The following CTNNA3 variants were observed in gnomAD, a reference collection of about 807,000 sequenced individuals.
The protein encoded by CTNNA3 is catenin alpha-3.
A neutral mutation model predicts 95.7 loss-of-function variants in CTNNA3; 76 were observed. The observed-to-expected ratio is 0.79, with a 90% CI of 0.66 to 0.96. The LOEUF is 0.96. Among genes scored for constraint, CTNNA3 ranks in the 40% least tolerant of loss-of-function variants. The probability of loss-of-function intolerance (pLI) is 0.00; values close to 1 mark genes in which losing one functional copy is unlikely to be tolerated. For missense variants in CTNNA3, 1,191 were observed against 1,089.8 expected (o/e 1.09, Z -1.31); for synonymous variants, 431 against 374.4 (o/e 1.15, Z -1.74).
chr10:66,151,225 A>C (rs1055106655), intron 13 of CTNNA3, among the ~76,000 whole-genome samples: 1 of 152,002 alleles, frequency 6.6e-6, no homozygotes, highest in South Asian at 2.1e-4. Context: ...ATAAAGTACT[A>C]TGGGGACAAC....
intron 6 of CTNNA3, among the ~76,000 whole-genome samples, chr10:67,182,385 C>G (rs1157416564): frequency 6.6e-6 from 1 of 151,108 alleles, no homozygotes; most frequent in African/African-American, 2.4e-5. Context: ...GAAATAAAGC[C>G]AATCTACAAC....
chr10:66,307,220 C>G (rs1004904856), intron 12 of CTNNA3, among the ~76,000 whole-genome samples: 5 of 152,130 alleles, frequency 3.3e-5, no homozygotes, highest in Admixed American at 3.3e-4. Flanking sequence ...GTAATTTTTA[C>G]ATGTGATTTT....
intron 5 of CTNNA3, among the ~76,000 whole-genome samples, chr10:67,368,100 G>A (rs570040575): frequency 6.6e-6 from 1 of 152,214 alleles, no homozygotes; most frequent in South Asian, 2.1e-4. Context: ...GTACACCACG[G>A]AATGGGAGAA....
Position 67,267,490 on chromosome 10 carries a change from A to G in CTNNA3, c.580-47620T>C, listed in dbSNP as rs186575486. 2.4e-4 allele frequency among the ~76,000 whole-genome samples: 36 copies of G among 152,188 alleles called. 1 individual carries two copies. The highest frequency in any genetic ancestry group is 8.7e-4 in the African/African-American group (36 of 41,520). On this transcript the variant is annotated intron_variant, in intron 5 of 17. Transcript: ENST00000433211. ...TGCCATCCTCCTGCCTCAGCCTCCC[A>G]AGTAGCTGAGACTACAGGTGCCTGC...
At chr10:67,137,086 G>A (rs1172466815) in intron 7 of CTNNA3, among the ~76,000 whole-genome samples, 1 of 152,086 alleles carries the variant, frequency 6.6e-6, no homozygotes, top group Non-Finnish European at 1.5e-5. Context: ...GGAGAGGCAG[G>A]AGGACAGACC....
intron 9 of CTNNA3, among the ~76,000 whole-genome samples, chr10:66,705,195 G>A (rs1003569608): frequency 6.6e-6 from 1 of 151,830 alleles, no homozygotes; most frequent in African/African-American, 2.4e-5. Context: ...AACTAACCTA[G>A]TATTCTTAGG....
chr10:66,484,969 G>A (rs1839675268), intron 11 of CTNNA3, among the ~76,000 whole-genome samples: 1 of 152,062 alleles, frequency 6.6e-6, no homozygotes, highest in South Asian at 2.1e-4. Context: ...CACATTAACA[G>A]AATGGAAAAC....
At chr10:67,042,811 A>G (rs1589650509) in intron 7 of CTNNA3, among the ~76,000 whole-genome samples, 1 of 152,172 alleles carries the variant, frequency 6.6e-6, no homozygotes, top group Non-Finnish European at 1.5e-5. Flanking sequence ...CAATGATTAG[A>G]TAGTCAACGA....
intron 7 of CTNNA3, chr10:66,837,801 T>C (rs1842931915): frequency 1.3e-5 from 2 of 152,100 alleles, no homozygotes; most frequent in African/African-American, 4.8e-5. Context: ...GGACATATAG[T>C]AACCGAATTC....
chr10:67,315,369 C>G (rs955912147), intron 5 of CTNNA3, among the ~76,000 whole-genome samples: 7 of 152,180 alleles, frequency 4.6e-5, no homozygotes, highest in Non-Finnish European at 1.0e-4. Context: ...CCACCCCTCT[C>G]ATTAATCTAT....
At chr10:66,462,850 A>C (rs2093538808) in intron 11 of CTNNA3, among the ~76,000 whole-genome samples, 1 of 152,138 alleles carries the variant, frequency 6.6e-6, no homozygotes, top group African/African-American at 2.4e-5. Context: ...TATCATTATA[A>C]ATTTAAGTGA....
At chr10:66,404,771 T>C (rs1452716897) in intron 11 of CTNNA3, among the ~76,000 whole-genome samples, 1 of 132,002 alleles carries the variant, frequency 7.6e-6, no homozygotes, top group Non-Finnish European at 1.5e-5. Flanking sequence ...ATTATGAGGT[T>C]TTTCCTGTGG....
intron 7 of CTNNA3, among the ~76,000 whole-genome samples, chr10:67,030,484 C>T (rs1419970568): frequency 6.6e-6 from 1 of 151,972 alleles, no homozygotes; most frequent in Non-Finnish European, 1.5e-5. Context: ...AATATATTCA[C>T]ACCCACACAA....
chr10:66,614,850 G>C (rs963874455), intron 10 of CTNNA3, among the ~76,000 whole-genome samples: 1 of 151,940 alleles, frequency 6.6e-6, no homozygotes, highest in African/African-American at 2.4e-5. Context: ...GAAAATCTAA[G>C]TACTTAGGAG....
intron 11 of CTNNA3, among the ~76,000 whole-genome samples, chr10:66,516,167 T>C (rs1216898564): frequency 1.3e-5 from 2 of 152,070 alleles, no homozygotes; most frequent in Admixed American, 1.3e-4. Context: ...CTAGATTCTT[T>C]CTCTTTTGTT....
chr10:66,798,598 C>T (rs556721869), intron 7 of CTNNA3, among the ~76,000 whole-genome samples: 1 of 150,594 alleles, frequency 6.6e-6, no homozygotes, highest in African/African-American at 2.4e-5. Context: ...AACTCCAAAT[C>T]CCAGAAAAAA....
chr10:66,056,713 T>C (rs2080095346), intron 15 of CTNNA3, among the ~76,000 whole-genome samples: 1 of 152,230 alleles, frequency 6.6e-6, no homozygotes, highest in Admixed American at 6.5e-5. Context: ...TTGTTATTTG[T>C]CTATTCAGGT....
chr10:66,845,729 A>ATAAATAAATAAATAAATAAATAC (rs1297933220), intron 7 of CTNNA3, among the ~76,000 whole-genome samples: 20 of 87,766 alleles, frequency 2.3e-4, no homozygotes, highest in African/African-American at 6.3e-4. Flanking sequence ...AAAAAAAAAA[A>ATAAATAAATAAATAAATAAATAC]CTAAAAAGGT....
intron 11 of CTNNA3, among the ~76,000 whole-genome samples, chr10:66,393,336 C>A (rs938179925): frequency 6.6e-6 from 1 of 152,010 alleles, no homozygotes; most frequent in African/African-American, 2.4e-5. Context: ...GAATTTACAA[C>A]ACAAGGTGAA....
Sources: allele counts gnomAD v4.1 joint callset (sites outside exome capture counted in the v4.1 genomes callset), GRCh38; gene constraint gnomAD v4.1.1; transcripts MANE v1.5; gene names NCBI Gene and HGNC (gene_info 2026-07-23, HGNC 2026-07-21).